Variants in ARHGAP20 observed in about 807,000 individuals in gnomAD.
The protein encoded by ARHGAP20 is Rho GTPase activating protein 20, also known as rho GTPase-activating protein 20.
A neutral mutation model predicts 73.7 loss-of-function variants in ARHGAP20; 34 were observed. The observed-to-expected ratio is 0.46, with a 90% CI of 0.35 to 0.61. The LOEUF (loss-of-function observed/expected upper bound fraction) is 0.61, where lower values mean the gene tolerates loss of function less well. Among genes scored for constraint, ARHGAP20 ranks in the 20% least tolerant of loss-of-function variants. The pLI, the probability that ARHGAP20 is intolerant of heterozygous loss-of-function variation, is 0.00. For synonymous variants in ARHGAP20, 523 were observed against 518.2 expected, an observed-to-expected ratio of 1.01 and a Z score of -0.13; for missense variants, 1,314 against 1,420.9, an observed-to-expected ratio of 0.92 and a Z score of 1.21.
chr11:110,704,255 A>T (rs578251956), intron 1 of ARHGAP20, among the ~76,000 whole-genome samples: 1 of 152,326 alleles, frequency 6.6e-6, no homozygotes, highest in Non-Finnish European at 1.5e-5. Flanking sequence ...CTAGGTGTAA[A>T]TTAGGACTCA....
In ARHGAP20 at chr11:110,587,686, G is replaced by A. The variant is rs1332784672; in HGVS notation, c.1306-1361C>T. On this transcript the variant is annotated intron_variant, in intron 11 of 14. Transcript: ENST00000683387. The stretch of plus-strand genomic sequence containing the variant: ...GGCCAAATATTAATGGGAGCCAAGA[G>A]AAGGCCAATCAACTGTAACTGAGAT... 2.6e-5 allele frequency among the ~76,000 whole-genome samples: 4 copies of A among 152,242 alleles called. No homozygotes were observed. The East Asian group carries it at 7.7e-4, about 29-fold the overall frequency.
At chr11:110,648,256 T>TATATATATGTAA (rs1949267337) in intron 2 of ARHGAP20, among the ~76,000 whole-genome samples, 1 of 130,478 alleles carries the variant, frequency 7.7e-6, no homozygotes, top group African/African-American at 2.9e-5. Flanking sequence ...TATATGTAAA[T>TATATATATGTAA]ATATATATGT....
chr11:110,613,702 C>CA (rs1565438872), intron 6 of ARHGAP20, among the ~76,000 whole-genome samples: 1 of 152,060 alleles, frequency 6.6e-6, no homozygotes, highest in Non-Finnish European at 1.5e-5. Context: ...TCTGTAGTCT[C>CA]ATACTATAAA....
At chr11:110,619,707 CAGTGATAGAGTATATGT>C (rs1165529909) in intron 4 of ARHGAP20, among the ~76,000 whole-genome samples, 39 of 108,404 alleles carry the variant, frequency 3.6e-4, no homozygotes, top group African/African-American at 7.4e-4. Context: ...AGAGTATATA[CAGTGATAGAGTATATGT>C]AGTGATAGAG....
chr11:110,599,946 G>A (rs1948069480), intron 9 of ARHGAP20, among the ~76,000 whole-genome samples: 1 of 152,170 alleles, frequency 6.6e-6, no homozygotes, highest in African/African-American at 2.4e-5. Flanking sequence ...GGGATGACCT[G>A]CCTGCAGAGA....
At chr11:110,686,829 C>T (rs73563817) in intron 2 of ARHGAP20, among the ~76,000 whole-genome samples, 3,304 of 151,878 alleles carry the variant, frequency 0.022, 119 homozygotes, top group African/African-American at 0.076. Flanking sequence ...ACTAGAGGAC[C>T]CTTTCAGGTT....
At chr11:110,648,716 C>T (rs563391177) in intron 2 of ARHGAP20, among the ~76,000 whole-genome samples, 32 of 152,096 alleles carry the variant, frequency 2.1e-4, no homozygotes, top group Middle Eastern at 3.4e-3. Context: ...CTCCTGACCT[C>T]GAGAGATCCA....
chr11:110,611,722 T>G (rs759014028), intron 6 of ARHGAP20, among the ~76,000 whole-genome samples: 2 of 152,210 alleles, frequency 1.3e-5, no homozygotes, highest in Non-Finnish European at 2.9e-5. Context: ...TCCTCTGTCT[T>G]ATTTCCATAA....
chr11:110,594,520 A>G (rs922378972), intron 9 of ARHGAP20, among the ~76,000 whole-genome samples: 1 of 152,160 alleles, frequency 6.6e-6, no homozygotes, highest in African/African-American at 2.4e-5. Flanking sequence ...CCTACTCTCC[A>G]TGTGGTTTCA....
chr11:110,680,221 T>A (rs1455322992), intron 2 of ARHGAP20, among the ~76,000 whole-genome samples: 1 of 152,060 alleles, frequency 6.6e-6, no homozygotes, highest in Non-Finnish European at 1.5e-5. Flanking sequence ...CCTGAAGAGG[T>A]TAAGTAACTT....
At chr11:110,650,125 T>G (rs2135011497) in intron 2 of ARHGAP20, among the ~76,000 whole-genome samples, 1 of 152,286 alleles carries the variant, frequency 6.6e-6, no homozygotes, top group South Asian at 2.1e-4. Flanking sequence ...TAGCACTTAA[T>G]TATACATCTT....
intron 2 of ARHGAP20, among the ~76,000 whole-genome samples, chr11:110,666,327 C>G (rs1188504111): frequency 6.6e-6 from 1 of 152,086 alleles, no homozygotes; most frequent in Non-Finnish European, 1.5e-5. Flanking sequence ...AAATCAGCAG[C>G]ATTATTATTG....
chr11:110,624,894 C>A (rs548739217), intron 3 of ARHGAP20, among the ~76,000 whole-genome samples: 2 of 152,074 alleles, frequency 1.3e-5, no homozygotes, highest in South Asian at 2.1e-4. Flanking sequence ...GCATTTAGAT[C>A]AAAAACCTAA....
intron 2 of ARHGAP20, among the ~76,000 whole-genome samples, chr11:110,677,364 T>C (rs1045479582): frequency 6.6e-6 from 1 of 152,060 alleles, no homozygotes; most frequent in South Asian, 2.1e-4. Flanking sequence ...ATCAAAACCA[T>C]GATAAGGCCA....
intron 2 of ARHGAP20, among the ~76,000 whole-genome samples, chr11:110,659,720 A>G (rs1949555730): frequency 6.6e-6 from 1 of 152,078 alleles, no homozygotes; most frequent in East Asian, 1.9e-4. Flanking sequence ...AATACTACGC[A>G]GCCATAAAAA....
rs1322124130 is a variant in ARHGAP20 at position 110,583,557 on chromosome 11, A to T, written c.1596T>A (p.Phe532Leu). 1.9e-6 allele frequency: 3 copies of T among 1,593,690 alleles called. No homozygotes were observed. Among genetic ancestry groups the T allele is most frequent in the Admixed American group, 1.7e-5 (1 of 57,332 alleles). ...ASSSPELENE[F>L]TKKVSLLIQF... ...TGAAAAACTTCATTACCTTTTTTGTAAATTCGTTTTCTAGTTCTGGGCTGG... is the reference window on the plus strand; with the variant it reads ...TGAAAAACTTCATTACCTTTTTTGTTAATTCGTTTTCTAGTTCTGGGCTGG... The change falls in exon 13 of 15, where the codon TTT (phenylalanine) becomes TTA (leucine). Residue 532 changes from phenylalanine to leucine, a missense_variant. Phe to Leu is a conservative substitution (Grantham distance 22, BLOSUM62 0). Coordinates refer to ENST00000683387, the MANE Select transcript of ARHGAP20 (RefSeq NM_001384657.1).
chr11:110,711,201 C>T (rs1950645816), intron 1 of ARHGAP20, among the ~76,000 whole-genome samples: 1 of 152,138 alleles, frequency 6.6e-6, no homozygotes, highest in African/African-American at 2.4e-5. Flanking sequence ...GATCGGAATC[C>T]TCCCGCAGCA....
chr11:110,656,775 T>C (rs183502231), intron 2 of ARHGAP20, among the ~76,000 whole-genome samples: 6 of 152,306 alleles, frequency 3.9e-5, no homozygotes, highest in East Asian at 1.9e-4. Flanking sequence ...CAAACTTTTT[T>C]TGGGAGAAAA....
intron 1 of ARHGAP20, among the ~76,000 whole-genome samples, chr11:110,695,678 A>G (rs1215803905): frequency 1.3e-5 from 2 of 151,612 alleles, no homozygotes; most frequent in Non-Finnish European, 3.0e-5. Context: ...AGATAATTAC[A>G]AGTGTTGGTG....
Sources: gnomAD v4.1 joint callset for allele counts (sites outside exome capture counted in the v4.1 genomes callset) on GRCh38, gnomAD v4.1.1 for gene constraint, MANE v1.5 for transcripts, NCBI Gene and HGNC (gene_info 2026-07-23, HGNC 2026-07-21) for gene names.